Variants in GRHL2 observed in about 807,000 individuals in gnomAD.
The protein encoded by GRHL2 is grainyhead like transcription factor 2, also known as grainyhead-like protein 2 homolog.
In GRHL2, 21 loss-of-function variants were observed where a neutral mutation model predicts 83.8. The ratio of observed to expected loss-of-function variants is 0.25; its 90% confidence interval spans 0.18 to 0.36. The LOEUF is 0.36. Ranked by LOEUF, GRHL2 falls within the 10% of genes least tolerant of loss-of-function variation. The pLI, the probability that GRHL2 is intolerant of heterozygous loss-of-function variation, is 1.00. For synonymous variants in GRHL2, 280 were observed against 278.9 expected (o/e 1.00, Z -0.04); for missense variants, 623 against 781.8 (o/e 0.80, Z 2.42).
chr8:101,640,745 G>A lies in GRHL2; in HGVS notation c.1518-3386G>A, dbSNP rs568427040. ...CTGTGGCTTCTACACTGCATTTGGG[G>A]CAGTAGTATCCTTGGTAGGGTTGGG... On this transcript the variant is annotated intron_variant, in intron 12 of 15. Coordinates refer to ENST00000646743, the MANE Select transcript of GRHL2 (RefSeq NM_024915.4). Among the ~76,000 whole-genome samples, 3 of 152,274 alleles carry A rather than the reference G, an allele frequency of 2.0e-5. No homozygotes were observed. In the East Asian group the frequency reaches 5.8e-4, roughly 29 times the overall value.
the GRHL2 span, among the ~76,000 whole-genome samples, chr8:101,677,734 G>A: frequency 6.6e-6 from 1 of 152,178 alleles, no homozygotes; most frequent in South Asian, 2.1e-4. Context: ...AAATAAGGCT[G>A]GGATGCTCTC....
At chr8:101,634,307 C>T (rs1813242966) in intron 11 of GRHL2, among the ~76,000 whole-genome samples, 1 of 152,162 alleles carries the variant, frequency 6.6e-6, no homozygotes, top group Non-Finnish European at 1.5e-5. Context: ...CTGTGACTAT[C>T]CTGTGGTTGA....
intron 8 of GRHL2, among the ~76,000 whole-genome samples, chr8:101,603,262 C>G (rs909653397): frequency 6.6e-6 from 1 of 152,126 alleles, no homozygotes; most frequent in African/African-American, 2.4e-5. Flanking sequence ...TTGGAGAAAC[C>G]TGTATGTCTT....
At chr8:101,541,317 T>C (rs543707252) in intron 1 of GRHL2, among the ~76,000 whole-genome samples, 2 of 152,234 alleles carry the variant, frequency 1.3e-5, no homozygotes, top group South Asian at 4.2e-4. Flanking sequence ...TAATGACTTA[T>C]TTTCCTTTGG....
chr8:101,516,923 A>G (rs1307208988), intron 1 of GRHL2, among the ~76,000 whole-genome samples: 1 of 152,142 alleles, frequency 6.6e-6, no homozygotes. Flanking sequence ...TGGGCATTTG[A>G]AGGTGTGGCA....
chr8:101,558,710 T>A lies in GRHL2; in HGVS notation c.576T>A (p.Tyr192Ter). Residue 192 changes from tyrosine to a stop codon, truncating the protein, a stop_gained, in exon 4 of 16, where the codon TAT becomes TAA. Coordinates refer to ENST00000646743, the MANE Select transcript of GRHL2 (RefSeq NM_024915.4). LOFTEE classifies it high-confidence loss of function. ...TGGTTATCTTTGAACAGACTCAGTA[T>A]GACGTGCCCTCGCTGGCCACCCACA... ...QRVVIFEQTQ[Y>*]DVPSLATHSA... 1 of 1,614,178 alleles carries A rather than the reference T, an allele frequency of 6.2e-7. No homozygotes were observed. Among genetic ancestry groups the A allele is most frequent in the Non-Finnish European group, 8.5e-7 (1 of 1,180,034 alleles).
chr8:101,666,710 G>C lies in GRHL2; in HGVS notation c.*7G>C, dbSNP rs759628098. On this transcript the variant is annotated 3_prime_UTR_variant, in exon 16 of 16. Transcript: ENST00000646743. ...CACGCTCATGGAAATCTAGCCCTGG[G>C]TTTGGCATCCGCTTTGGCTGGAGCT... is the stretch of plus-strand genomic sequence containing the variant. 6.4e-7 allele frequency: 1 copy of C among 1,567,814 alleles called. No homozygotes were observed. The highest frequency in any genetic ancestry group is 2.2e-5 in the East Asian group (1 of 44,658).
Position 101,668,755 on chromosome 8 carries a change from A to ATGAT in GRHL2, c.*2055_*2058dup, listed in dbSNP as rs1814136911. ...CCTAGGGTTAGGAATAGTTTCAAAC[A>ATGAT]TGATTGGCAGACATAACAACGGCAA... On this transcript the variant is annotated 3_prime_UTR_variant, in exon 16 of 16. Transcript: ENST00000646743. The ATGAT allele has an allele frequency of 6.6e-6, 1 of 152,264 alleles. No individual in the cohort carries two copies. Among genetic ancestry groups the ATGAT allele is most frequent in the Non-Finnish European group, 1.5e-5 (1 of 68,068 alleles). 9.4% of individuals were successfully genotyped at this position (152,264 alleles called of 1,614,324 possible).
chr8:101,516,360 T>A, intron 1 of GRHL2, among the ~76,000 whole-genome samples: 1 of 151,880 alleles, frequency 6.6e-6, no homozygotes, highest in East Asian at 1.9e-4. Flanking sequence ...TACTCTTCTC[T>A]CTGATTCTGA....
At chr8:101,652,267 CA>C (rs1474588603) in intron 14 of GRHL2, among the ~76,000 whole-genome samples, 1 of 150,760 alleles carries the variant, frequency 6.6e-6, no homozygotes, top group East Asian at 1.9e-4. Flanking sequence ...CACAATATGA[CA>C]TATTATATAT....
At chr8:101,677,658 C>T in the GRHL2 span, among the ~76,000 whole-genome samples, 3 of 151,982 alleles carry the variant, frequency 2.0e-5, no homozygotes, top group African/African-American at 7.3e-5. Context: ...AGTATTTTCA[C>T]CATTTCTTTT....
At chr8:101,522,542 T>C (rs1057403993) in intron 1 of GRHL2, among the ~76,000 whole-genome samples, 2 of 129,028 alleles carry the variant, frequency 1.6e-5, no homozygotes, top group South Asian at 4.7e-4. Context: ...AAAATAACTG[T>C]GTAATCCCAG....
intron 1 of GRHL2, among the ~76,000 whole-genome samples, chr8:101,525,709 C>T (rs926689187): frequency 6.6e-6 from 1 of 152,118 alleles, no homozygotes; most frequent in African/African-American, 2.4e-5. Flanking sequence ...TGGCTCATGC[C>T]TGTAATCCCA....
At chr8:101,495,716 T>C (rs930074054) in intron 1 of GRHL2, among the ~76,000 whole-genome samples, 3 of 152,196 alleles carry the variant, frequency 2.0e-5, no homozygotes, top group Admixed American at 1.3e-4. Flanking sequence ...AATAGAGGCA[T>C]GCGAAGATGG....
At chr8:101,648,222 G>A (rs1180299654) in intron 13 of GRHL2, among the ~76,000 whole-genome samples, 1 of 152,192 alleles carries the variant, frequency 6.6e-6, no homozygotes, top group Non-Finnish European at 1.5e-5. Flanking sequence ...GGCAATGGTG[G>A]CAGAAGGAAC....
intron 14 of GRHL2, among the ~76,000 whole-genome samples, chr8:101,650,371 T>C (rs1258059862): frequency 6.6e-6 from 1 of 152,242 alleles, no homozygotes; most frequent in Admixed American, 6.5e-5. Context: ...GATTAAATAG[T>C]ATTCCGTTGT....
chr8:101,561,573 A>C (rs749134276), intron 4 of GRHL2, among the ~76,000 whole-genome samples: 7 of 152,254 alleles, frequency 4.6e-5, no homozygotes, highest in Non-Finnish European at 8.8e-5. Context: ...AATATTTGAC[A>C]CTGTCATACA....
chr8:101,657,978 C>A (rs1229998077), intron 14 of GRHL2, among the ~76,000 whole-genome samples: 1 of 152,184 alleles, frequency 6.6e-6, no homozygotes, highest in African/African-American at 2.4e-5. Flanking sequence ...TGATCTCATC[C>A]AGCCCCTGGG....
chr8:101,561,943 C>G (rs1454205745), intron 4 of GRHL2: 1 of 600,130 alleles, frequency 1.7e-6, no homozygotes, highest in African/African-American at 1.9e-5. Context: ...TTTAGCAGTT[C>G]CAAGTCTCCA....
Sources: gnomAD v4.1 joint callset for allele counts (sites outside exome capture counted in the v4.1 genomes callset) on GRCh38, gnomAD v4.1.1 for gene constraint, MANE v1.5 for transcripts, NCBI Gene and HGNC (gene_info 2026-07-23, HGNC 2026-07-21) for gene names.